Variants in EP400 observed in about 807,000 individuals in gnomAD.
The protein encoded by EP400 is E1A-binding protein p400.
Under a neutral mutation model 354.1 loss-of-function variants are expected in EP400, and 105 were observed. That is an observed-to-expected ratio of 0.30 (90% CI 0.25 to 0.35). The LOEUF (loss-of-function observed/expected upper bound fraction) is 0.35. EP400 is among the 10% of genes least tolerant of loss of function. The pLI, the probability that EP400 is intolerant of heterozygous loss-of-function variation, is 1.00. For synonymous variants in EP400, 1,646 were observed against 1,716.9 expected (o/e 0.96, Z 1.02); for missense variants, 3,280 against 4,121.0 (o/e 0.80, Z 5.59).
intron 51 of EP400, among the ~76,000 whole-genome samples, chr12:132,073,672 C>T (rs1237633359): frequency 2.6e-5 from 4 of 151,936 alleles, no homozygotes; most frequent in South Asian, 2.1e-4. Flanking sequence ...AGGCTAGTCT[C>T]GAACTCCTGA....
At chr12:131,977,735 A>G (rs528065444) in intron 2 of EP400, among the ~76,000 whole-genome samples, 2 of 150,236 alleles carry the variant, frequency 1.3e-5, no homozygotes, top group South Asian at 2.1e-4. Flanking sequence ...TTCCTTTTCC[A>G]TCTTGGTTAA....
chr12:131,997,871 A>G (rs1205137990), intron 12 of EP400, among the ~76,000 whole-genome samples: 7 of 152,172 alleles, frequency 4.6e-5, no homozygotes, highest in Non-Finnish European at 1.5e-5. Context: ...ACAATTTCTA[A>G]GAACCAACCT....
intron 1 of EP400, among the ~76,000 whole-genome samples, chr12:131,954,112 T>TA (rs1426106196): frequency 2.6e-5 from 4 of 151,888 alleles, no homozygotes; most frequent in Admixed American, 6.6e-5. Context: ...GACTCTGTCT[T>TA]AAAAAACAAG....
intron 39 of EP400, among the ~76,000 whole-genome samples, chr12:132,048,085 T>G (rs1449669389): frequency 6.6e-6 from 1 of 152,244 alleles, no homozygotes; most frequent in Non-Finnish European, 1.5e-5. Flanking sequence ...GTTCTTTTTT[T>G]GAGGTGCCCA....
At chr12:132,024,231 G>C (rs1380044724) in intron 24 of EP400, among the ~76,000 whole-genome samples, 1 of 152,186 alleles carries the variant, frequency 6.6e-6, no homozygotes, top group Non-Finnish European at 1.5e-5. Context: ...TATTTGGCCA[G>C]GCGTGGTGGT....
At position 132,052,388 on chromosome 12, in the gene EP400, A is replaced by C. The variant is rs534399201; in HGVS notation, c.7395-758A>C. Among the ~76,000 whole-genome samples the C allele has an allele frequency of 1.3e-5, 2 of 152,298 alleles. No individual in the cohort carries two copies. Among genetic ancestry groups the C allele is most frequent in the East Asian group, 3.9e-4 (2 of 5,166 alleles). On this transcript the variant is annotated intron_variant, in intron 41 of 52. Coordinates refer to ENST00000389561, the MANE Select transcript of EP400 (RefSeq NM_015409.5). This position sits in a 1 kb window ranked among gnomAD's most constrained non-coding sequence, Gnocchi z 4.4. Reference sequence around the variant, plus strand: ...AAACCCCCAGGACTCCCTACTGCCCACGCTCTGAGTCGCCTGGCCCTGGCT... The same window carrying C: ...AAACCCCCAGGACTCCCTACTGCCCCCGCTCTGAGTCGCCTGGCCCTGGCT...
chr12:131,986,420 C>T lies in EP400; in HGVS notation c.1930-94C>T, dbSNP rs546782495. On this transcript the variant is annotated intron_variant, in intron 5 of 52. Coordinates refer to ENST00000389561, the MANE Select transcript of EP400 (RefSeq NM_015409.5). ...TGGAGCGGAAGGTGCTGGCAGTGCGCGTCTCTGGTGCTGTGGGCGCTCAGG... is the reference window on the plus strand; with the variant it reads ...TGGAGCGGAAGGTGCTGGCAGTGCGTGTCTCTGGTGCTGTGGGCGCTCAGG... The T allele has an allele frequency of 4.7e-5, 61 of 1,291,908 alleles. 1 individual carries two copies. Among genetic ancestry groups the T allele is most frequent in the South Asian group, 4.1e-4 (29 of 70,824 alleles). The allele number at this position is 1,291,908 out of a possible 1,614,324, so 80.0% of individuals were successfully genotyped here. A position where few individuals can be genotyped will look rare whatever the true frequency, so the allele number is the denominator to read the frequency against.
intron 2 of EP400, among the ~76,000 whole-genome samples, chr12:131,978,928 C>CT (rs1371192701): frequency 2.0e-5 from 3 of 152,090 alleles, no homozygotes; most frequent in South Asian, 2.1e-4. Context: ...TTTTAAAGCT[C>CT]TAAGTTGGCT....
At chr12:132,037,044 C>T (rs1894742878) in intron 30 of EP400, among the ~76,000 whole-genome samples, 2 of 152,078 alleles carry the variant, frequency 1.3e-5, no homozygotes, top group Admixed American at 1.3e-4. Context: ...TGAGGTTTAG[C>T]ATTTAGCATT....
intron 29 of EP400, chr12:132,031,324 T>C (rs754670175): frequency 1.9e-6 from 1 of 519,198 alleles, no homozygotes; most frequent in Non-Finnish European, 3.8e-6. Context: ...AGTAAGACGC[T>C]GTTTTCTTTT....
At position 131,986,590 on chromosome 12, in the gene EP400, C is replaced by A. The variant is rs189127671; in HGVS notation, c.2006C>A (p.Ser669Tyr). 3.5e-4 allele frequency: 559 copies of A among 1,614,096 alleles called. 6 individuals are homozygous for A. In the East Asian group the frequency reaches 0.012, roughly 33 times the overall value. ...PRPLPTSSTSSLAPVSGSGPG... is the reference protein window; with the variant it reads ...PRPLPTSSTSYLAPVSGSGPG... The stretch of plus-strand genomic sequence containing the variant: ...CCTCTGCCCACCTCTTCTACCTCGT[C>A]CCTCGCGCCTGTGAGTGGCTCCGGC... The change falls in exon 6 of 53, where the codon TCC (serine) becomes TAC (tyrosine). Residue 669 changes from serine to tyrosine, a missense_variant. By Grantham distance (144) the Ser-to-Tyr change is moderately radical (BLOSUM62 -2). Around this residue, in one of 20 missense-constraint regions of EP400, gnomAD observed 800 missense variants for 840.0 expected, o/e 0.95. Coordinates refer to ENST00000389561, the MANE Select transcript of EP400 (RefSeq NM_015409.5).
chr12:131,980,832 G>A (rs548164413), intron 3 of EP400, among the ~76,000 whole-genome samples: 2 of 152,276 alleles, frequency 1.3e-5, no homozygotes, highest in East Asian at 1.9e-4. Context: ...GATTATAAGC[G>A]TGAGCCACCG....
chr12:132,041,714 C>T (rs937554984), intron 32 of EP400, among the ~76,000 whole-genome samples: 4 of 152,202 alleles, frequency 2.6e-5, no homozygotes, highest in Middle Eastern at 3.4e-3. Context: ...CGGGGATGCT[C>T]CTGCCATGGG....
intron 43 of EP400, 108 bp downstream of exon 43, chr12:132,053,705 C>G: frequency 1.6e-6 from 2 of 1,262,990 alleles, no homozygotes; most frequent in Admixed American, 6.2e-5. Context: ...AGTTCTAGCA[C>G]ATTTCCAGCT....
Position 132,038,617 on chromosome 12 carries a change from C to T in EP400, c.6207+521C>T, listed in dbSNP as rs1391558565. Among the ~76,000 whole-genome samples the T allele has an allele frequency of 3.3e-5, 5 of 152,180 alleles. No individual in the cohort carries two copies. The South Asian group carries it at 6.2e-4, about 19-fold the overall frequency. On this transcript the variant is annotated intron_variant, in intron 32 of 52. Coordinates refer to ENST00000389561, the MANE Select transcript of EP400 (RefSeq NM_015409.5). This position sits in a 1 kb window ranked among gnomAD's most constrained non-coding sequence, Gnocchi z 4.2. ...GTTGAAGTGATAATATTTTGGCTAT[C>T]GGGTTATGTCAATATTTTACTGTTT...
intron 5 of EP400, among the ~76,000 whole-genome samples, chr12:131,984,441 G>A (rs922681956): frequency 6.6e-6 from 1 of 152,146 alleles, no homozygotes; most frequent in Non-Finnish European, 1.5e-5. Context: ...TGGGGGGGCT[G>A]TAGTTGGGAG....
chr12:132,029,868 A>G lies in EP400; in HGVS notation c.5549A>G (p.Gln1850Arg), dbSNP rs774725541. ...LRQTTAPRLL[Q>R]FPELRLVQFD... ...CAGACCACGGCTCCACGCCTGCTGC[A>G]GTTCCCTGAGCTGAGGCTGGTGCAG... Residue 1850 changes from glutamine (Q) to arginine (R), a missense_variant, in exon 28 of 53, where the codon CAG (glutamine) becomes CGG (arginine). Around this residue, in one of 20 missense-constraint regions of EP400, gnomAD observed 459 missense variants for 496.9 expected, o/e 0.92. Coordinates refer to ENST00000389561, the MANE Select transcript of EP400 (RefSeq NM_015409.5). The surrounding 1 kb of genome is among the most constrained non-coding windows in gnomAD (Gnocchi z 4.7). 4 of 1,612,788 alleles carry G rather than the reference A, an allele frequency of 2.5e-6. No homozygotes were observed. Among genetic ancestry groups the G allele is most frequent in the Admixed American group, 3.3e-5 (2 of 60,006 alleles).
chr12:131,951,693 C>T (rs55658715), intron 1 of EP400, among the ~76,000 whole-genome samples: 19,122 of 152,102 alleles, frequency 0.13, 1,645 homozygotes, highest in African/African-American at 0.25. Context: ...CCTCTGCCTG[C>T]CAGACTCAAG....
chr12:132,043,704 G>A lies in EP400; in HGVS notation c.6426G>A (p.Glu2142=), dbSNP rs774697517. ...NYLELFHTSI[E]QEKERNSEDA... The stretch of plus-strand genomic sequence containing the variant: ...TGGAATTATTCCATACTTCTATTGA[G>A]CAAGAAAAGGAGAGAAACAGTGAGG... The change falls in exon 34 of 53, where the codon GAG becomes GAA. Residue 2142 remains glutamate, a synonymous_variant. Coordinates refer to ENST00000389561, the MANE Select transcript of EP400 (RefSeq NM_015409.5). The A allele has an allele frequency of 6.2e-7, 1 of 1,611,066 alleles. No homozygotes were observed. Among genetic ancestry groups the A allele is most frequent in the Non-Finnish European group, 8.5e-7 (1 of 1,179,304 alleles).
Sources: gnomAD v4.1 joint callset for allele counts (sites outside exome capture counted in the v4.1 genomes callset) on GRCh38, gnomAD v4.1.1 for gene constraint, gnomAD v4.1.1 regional missense constraint, Gnocchi (gnomAD v3.1) non-coding constraint, MANE v1.5 for transcripts, NCBI Gene and HGNC (gene_info 2026-07-23, HGNC 2026-07-21) for gene names.